DENND3: variants seen among roughly 807,000 people sequenced by gnomAD.
DENND3 encodes the protein DENN domain containing 3, also known as DENN domain-containing protein 3.
A neutral mutation model predicts 135.1 loss-of-function variants in DENND3; 88 were observed. The ratio of observed to expected loss-of-function variants is 0.65; its 90% CI spans 0.55 to 0.78. The LOEUF is 0.78. Among genes scored for constraint, DENND3 ranks in the 30% least tolerant of loss-of-function variants. The probability of loss-of-function intolerance (pLI) is 0.00; values close to 1 mark genes in which losing one functional copy is unlikely to be tolerated. For synonymous variants in DENND3, 693 were observed against 712.3 expected (o/e 0.97, Z 0.43); for missense variants, 1,392 against 1,688.4 (o/e 0.82, Z 3.08).
intron 19 of DENND3, among the ~76,000 whole-genome samples, chr8:141,189,914 C>T (rs967201447): frequency 3.3e-5 from 5 of 152,162 alleles, no homozygotes; most frequent in Admixed American, 2.6e-4. Flanking sequence ...CTTGTGTGAA[C>T]GGGGACCGCT....
At chr8:141,153,186 C>T (rs1260147536) in intron 7 of DENND3, among the ~76,000 whole-genome samples, 9 of 151,112 alleles carry the variant, frequency 6.0e-5, no homozygotes, top group Admixed American at 2.6e-4. Context: ...CAATGCCTCC[C>T]GGGTTCAAGC....
At position 141,155,878 on chromosome 8, in the gene DENND3, T is replaced by C; in HGVS notation, c.1104T>C (p.Ile368=). The change falls in exon 8 of 23, where the codon ATT becomes ATC. Residue 368 remains isoleucine, a synonymous_variant. Coordinates refer to ENST00000519811, the MANE Select transcript of DENND3 (RefSeq NM_001352890.3). The stretch of plus-strand genomic sequence containing the variant: ...CCGACGGTTTAGTTCTGATAAATAT[T>C]GATCATGGGAGCATCACCTACTCCA... ...KEADGLVLIN[I]DHGSITYSKS... The C allele has an allele frequency of 1.2e-6, 2 of 1,610,366 alleles. No homozygotes were observed. Among genetic ancestry groups the C allele is most frequent in the Non-Finnish European group, 1.7e-6 (2 of 1,177,948 alleles).
intron 13 of DENND3, among the ~76,000 whole-genome samples, chr8:141,169,779 C>T (rs1423784838): frequency 2.0e-5 from 3 of 152,230 alleles, no homozygotes; most frequent in Admixed American, 6.5e-5. Context: ...TGAGTTTGCA[C>T]GTGCTGTTTT....
At chr8:141,145,803 T>TA (rs1817953676) in intron 5 of DENND3, among the ~76,000 whole-genome samples, 2 of 87,114 alleles carry the variant, frequency 2.3e-5, no homozygotes, top group Non-Finnish European at 4.5e-5. Context: ...ATATTGAATA[T>TA]TATATATATA....
At chr8:141,181,818 C>T (rs1694240736) in intron 17 of DENND3, among the ~76,000 whole-genome samples, 1 of 152,092 alleles carries the variant, frequency 6.6e-6, no homozygotes, top group South Asian at 2.1e-4. Flanking sequence ...GTTGCCCAGG[C>T]TGGAGTGTAG....
At chr8:141,173,392 AACC>A in intron 13 of DENND3, 1 of 152,274 alleles carries the variant, frequency 6.6e-6, no homozygotes. Context: ...ATTTTCGCAT[AACC>A]ACCTGGTGCC....
Position 141,141,527 on chromosome 8 carries a change from G to A in DENND3, c.623+203G>A. ...GCTGTTGCTTAAGGCTGGGGGCAGT[G>A]GGCAGGGGGTGTGGCAGCGGGCGCT... On this transcript the variant is annotated intron_variant, in intron 4 of 22. Transcript: ENST00000519811. This position sits in a 1 kb window ranked among gnomAD's most constrained non-coding sequence, Gnocchi z 5.3. 3.3e-6 allele frequency: 2 copies of A among 603,672 alleles called. No homozygotes were observed. Among genetic ancestry groups the A allele is most frequent in the South Asian group, 4.0e-5 (2 of 49,458 alleles). The allele number at this position is 603,672 out of a possible 1,614,324, so 37.4% of individuals were successfully genotyped here.
At position 141,154,789 on chromosome 8, in the gene DENND3, C is replaced by G. The variant is rs1819245592; in HGVS notation, c.1075-1060C>G. ...TGTTGGCCAGGCTGGTCTCAAACTC[C>G]TGATCTCAGGTGATCCACCCACCTC... is the stretch of plus-strand genomic sequence containing the variant. On this transcript the variant is annotated intron_variant, in intron 7 of 22. Transcript: ENST00000519811. The surrounding 1 kb of genome is among the most constrained non-coding windows in gnomAD (Gnocchi z 4.4). 6.6e-6 allele frequency among the ~76,000 whole-genome samples: 1 copy of G among 152,170 alleles called. No individual in the cohort carries two copies.
chr8:141,150,971 G>A lies in DENND3; in HGVS notation c.855+18G>A, dbSNP rs758138893. 16 of 1,509,318 alleles carry A rather than the reference G, an allele frequency of 1.1e-5. No homozygotes were observed. Among genetic ancestry groups the A allele is most frequent in the Admixed American group, 2.4e-5 (1 of 41,120 alleles). The allele number at this position is 1,509,318 out of a possible 1,614,324, so 93.5% of individuals were successfully genotyped here. Reference sequence around the variant, plus strand: ...TGCTACAGGTACGCGGCCCCGCCCCGGCGAGCGCGTCTTGTGCTCCCTGCC... The same window carrying A: ...TGCTACAGGTACGCGGCCCCGCCCCAGCGAGCGCGTCTTGTGCTCCCTGCC... On this transcript the variant is annotated intron_variant, in intron 6 of 22. Transcript: ENST00000519811.
At chr8:141,184,808 T>C in intron 17 of DENND3, 1 of 213,156 alleles carries the variant, frequency 4.7e-6, no homozygotes, top group Non-Finnish European at 9.4e-6. Flanking sequence ...CCTGCTCCTC[T>C]TCCAGTTCCC....
chr8:141,158,355 CTG>C, intron 8 of DENND3: 1 of 1,205,920 alleles, frequency 8.3e-7, no homozygotes, highest in Non-Finnish European at 1.1e-6. Context: ...CTTTGTGAGA[CTG>C]TGTTGAAGCT....
At chr8:141,150,739 T>C (rs1818695484) in intron 5 of DENND3, 95 bp from the exon 6 acceptor site, 7 of 1,433,990 alleles carry the variant, frequency 4.9e-6, no homozygotes, top group Non-Finnish European at 5.5e-6. Context: ...GTTTTCTAAC[T>C]CTGATGCCCT....
intron 9 of DENND3, among the ~76,000 whole-genome samples, chr8:141,163,045 T>C (rs1820338367): frequency 6.6e-6 from 1 of 152,238 alleles, no homozygotes; most frequent in Non-Finnish European, 1.5e-5. Flanking sequence ...TTCATGTGTG[T>C]GGACCGCAAC....
rs1326774681 is a variant in DENND3, at chr8:141,155,139, G to A, written c.1075-710G>A. On this transcript the variant is annotated intron_variant, in intron 7 of 22. Coordinates refer to ENST00000519811, the MANE Select transcript of DENND3 (RefSeq NM_001352890.3). ...GGAGGGGAGGCTGGGAGCTGTGCTG[G>A]ATAGTGAGTCTCAGTTTTGGGATGA... Among the ~76,000 whole-genome samples, 7 of 152,130 alleles carry A rather than the reference G, an allele frequency of 4.6e-5. No homozygotes were observed. In the East Asian group the frequency reaches 1.2e-3, roughly 25 times the overall value.
intron 8 of DENND3, among the ~76,000 whole-genome samples, chr8:141,160,124 A>C (rs535344068): frequency 6.6e-6 from 1 of 151,324 alleles, no homozygotes; most frequent in East Asian, 1.9e-4. Flanking sequence ...GTCGAGGCCC[A>C]TGTGAGTCCA....
intron 4 of DENND3, among the ~76,000 whole-genome samples, chr8:141,143,499 G>T (rs2154612808): frequency 6.6e-6 from 1 of 152,196 alleles, no homozygotes; most frequent in South Asian, 2.1e-4. Flanking sequence ...CAAACTCCCG[G>T]GCTCAAGTGA....
intron 8 of DENND3, among the ~76,000 whole-genome samples, chr8:141,159,624 C>T (rs1819890741): frequency 6.6e-6 from 1 of 152,260 alleles, no homozygotes; most frequent in African/African-American, 2.4e-5. Context: ...GGCCTGTGTC[C>T]ACCACCCATC....
At chr8:141,142,440 C>G (rs1430002605) in intron 4 of DENND3, 1 of 456,448 alleles carries the variant, frequency 2.2e-6, no homozygotes, top group Admixed American at 2.4e-5. Flanking sequence ...ACCAGAGGGA[C>G]GAGCCCCATG....
At chr8:141,157,963 T>C (rs938831087) in intron 8 of DENND3, 1 of 1,009,878 alleles carries the variant, frequency 9.9e-7, no homozygotes, top group Non-Finnish European at 1.2e-6. Flanking sequence ...TTTCACCATG[T>C]TGGCCAGGCT....
Sources: gnomAD v4.1 joint callset for allele counts (sites outside exome capture counted in the v4.1 genomes callset) on GRCh38, gnomAD v4.1.1 for gene constraint, Gnocchi (gnomAD v3.1) non-coding constraint, MANE v1.5 for transcripts, NCBI Gene and HGNC (gene_info 2026-07-23, HGNC 2026-07-21) for gene names.